Variants in SNTG1 observed in about 807,000 individuals in gnomAD.
The protein encoded by SNTG1 is gamma-1-syntrophin.
A neutral mutation model predicts 74.7 loss-of-function variants in SNTG1; 39 were observed. The ratio of observed to expected loss-of-function variants is 0.52; its 90% CI spans 0.40 to 0.68. The LOEUF (loss-of-function observed/expected upper bound fraction) is 0.68. SNTG1 is among the 30% of genes least tolerant of loss of function. SNTG1 has a pLI of 0.00. For missense variants in SNTG1, 685 were observed against 609.5 expected (o/e 1.12, Z -1.30); for synonymous variants, 254 against 217.1 (o/e 1.17, Z -1.49).
rs1397041136 is a variant in SNTG1, at chr8:50,244,206, C to A, written c.-28+71571C>A. On this transcript the variant is annotated intron_variant, in intron 2 of 18. Coordinates refer to ENST00000642720, the MANE Select transcript of SNTG1 (RefSeq NM_018967.5). ...CACGCAGATCTTGGGAGTACCCACTCGCTATCATGAGGACAGCACCAAGCC... is the reference window on the plus strand; with the variant it reads ...CACGCAGATCTTGGGAGTACCCACTAGCTATCATGAGGACAGCACCAAGCC... Among the ~76,000 whole-genome samples the A allele has an allele frequency of 3.3e-5, 5 of 152,020 alleles. No individual in the cohort carries two copies. The East Asian group carries it at 9.7e-4, about 29-fold the overall frequency.
At chr8:50,252,096 C>A (rs1241385713) in intron 2 of SNTG1, among the ~76,000 whole-genome samples, 1 of 151,866 alleles carries the variant, frequency 6.6e-6, no homozygotes, top group East Asian at 1.9e-4. Context: ...TAAACAGCAT[C>A]CTCCACATTA....
intron 1 of SNTG1, among the ~76,000 whole-genome samples, chr8:49,980,621 C>CA (rs1359003170): frequency 6.6e-6 from 1 of 150,708 alleles, no homozygotes; most frequent in Non-Finnish European, 1.5e-5. Flanking sequence ...ACTCCACTCG[C>CA]AAGAACAGTG....
intron 17 of SNTG1, among the ~76,000 whole-genome samples, chr8:50,713,259 T>C (rs2095466785): frequency 6.6e-6 from 1 of 152,236 alleles, no homozygotes; most frequent in African/African-American, 2.4e-5. Context: ...CCAGTGATGA[T>C]GAGCTTTTTT....
intron 1 of SNTG1, among the ~76,000 whole-genome samples, chr8:50,097,635 A>G (rs2079978033): frequency 6.6e-6 from 1 of 151,992 alleles, no homozygotes; most frequent in Non-Finnish European, 1.5e-5. Flanking sequence ...CTGGGCGACA[A>G]AATGAGACTC....
At chr8:50,206,048 A>T (rs1297931572) in intron 2 of SNTG1, among the ~76,000 whole-genome samples, 1 of 152,062 alleles carries the variant, frequency 6.6e-6, no homozygotes, top group East Asian at 1.9e-4. Flanking sequence ...CTTGGCAATG[A>T]GGGCTCTTTT....
chr8:50,698,478 G>A (rs2095412494), intron 15 of SNTG1, among the ~76,000 whole-genome samples: 1 of 152,108 alleles, frequency 6.6e-6, no homozygotes, highest in African/African-American at 2.4e-5. Flanking sequence ...TACTGGTGGG[G>A]GAAGGGGGTG....
rs200889764 is a variant in SNTG1 at position 50,106,856 on chromosome 8, G to A, written c.-102-65705G>A. 3.9e-5 allele frequency among the ~76,000 whole-genome samples: 6 copies of A among 152,106 alleles called. No homozygotes were observed. The East Asian group carries it at 1.2e-3, about 29-fold the overall frequency. On this transcript the variant is annotated intron_variant, in intron 1 of 18. Transcript: ENST00000642720. ...AGACTCAATTCTATATTTTAGCAAG[G>A]AATTTCAATAATATGTATATCTGAA...
At chr8:50,368,854 A>G (rs1197915874) in intron 2 of SNTG1, among the ~76,000 whole-genome samples, 1 of 151,914 alleles carries the variant, frequency 6.6e-6, no homozygotes, top group Non-Finnish European at 1.5e-5. Flanking sequence ...TTTAATTTAG[A>G]TTTTTCCATT....
In SNTG1 at chr8:49,950,362, T is replaced by G. The variant is rs529739005; in HGVS notation, c.-103+38131T>G. On this transcript the variant is annotated intron_variant, in intron 1 of 18. Transcript: ENST00000642720. ...TAATTTATTTCCCAGTTAATTACAATTGGAATGATTTTGAAAAACTGCTCA... is the reference window on the plus strand; with the variant it reads ...TAATTTATTTCCCAGTTAATTACAAGTGGAATGATTTTGAAAAACTGCTCA... Among the ~76,000 whole-genome samples the G allele has an allele frequency of 2.0e-5, 3 of 152,308 alleles. No individual in the cohort carries two copies. The South Asian group carries it at 6.2e-4, about 32-fold the overall frequency.
intron 2 of SNTG1, among the ~76,000 whole-genome samples, chr8:50,291,240 ATATG>A (rs1217583817): frequency 6.2e-5 from 5 of 81,078 alleles, no homozygotes; most frequent in Admixed American, 1.3e-4. Flanking sequence ...AGAGACAGAC[ATATG>A]TGTGTGTGTG....
chr8:50,687,399 C>T (rs996535829), intron 15 of SNTG1, among the ~76,000 whole-genome samples: 2 of 152,110 alleles, frequency 1.3e-5, no homozygotes, highest in Non-Finnish European at 2.9e-5. Flanking sequence ...GATTAAAATA[C>T]ATGTACCTCC....
At chr8:50,117,955 A>G (rs923589646) in intron 1 of SNTG1, among the ~76,000 whole-genome samples, 4 of 152,122 alleles carry the variant, frequency 2.6e-5, no homozygotes, top group Admixed American at 6.6e-5. Flanking sequence ...GGTAAAAGCT[A>G]TGTGAAGTTG....
intron 13 of SNTG1, among the ~76,000 whole-genome samples, chr8:50,614,646 A>G (rs1238935225): frequency 6.6e-6 from 1 of 152,128 alleles, no homozygotes; most frequent in Admixed American, 6.5e-5. Flanking sequence ...GCATGAGTAA[A>G]TTTTAATTAT....
chr8:50,564,505 G>A (rs1350393883), intron 12 of SNTG1, among the ~76,000 whole-genome samples: 1 of 152,064 alleles, frequency 6.6e-6, no homozygotes, highest in Non-Finnish European at 1.5e-5. Flanking sequence ...GGGCCAGAAA[G>A]CCCAATTCTT....
At chr8:50,466,546 T>C (rs1255536058) in intron 8 of SNTG1, among the ~76,000 whole-genome samples, 1 of 152,068 alleles carries the variant, frequency 6.6e-6, no homozygotes, top group Non-Finnish European at 1.5e-5. Context: ...ATATACATTT[T>C]AAAATCACTT....
chr8:50,112,369 G>T (rs2080626241), intron 1 of SNTG1, among the ~76,000 whole-genome samples: 1 of 152,056 alleles, frequency 6.6e-6, no homozygotes, highest in Non-Finnish European at 1.5e-5. Context: ...CTTCTGATTT[G>T]AAGGTTCATA....
intron 2 of SNTG1, among the ~76,000 whole-genome samples, chr8:50,350,892 G>A (rs1352427788): frequency 6.6e-6 from 1 of 152,214 alleles, no homozygotes; most frequent in Non-Finnish European, 1.5e-5. Flanking sequence ...CCAGATAAGA[G>A]AATGAAAGCA....
chr8:50,182,039 T>C (rs1157165527), intron 2 of SNTG1, among the ~76,000 whole-genome samples: 1 of 152,202 alleles, frequency 6.6e-6, no homozygotes, highest in Non-Finnish European at 1.5e-5. Flanking sequence ...TTTGTTACAG[T>C]ATATAATGTA....
chr8:50,493,069 A>T (rs963015024), intron 8 of SNTG1, among the ~76,000 whole-genome samples: 1 of 152,216 alleles, frequency 6.6e-6, no homozygotes, highest in African/African-American at 2.4e-5. Flanking sequence ...TGGGGAAAGG[A>T]TTCCCTATTT....
Sources: gnomAD v4.1 joint callset for allele counts (sites outside exome capture counted in the v4.1 genomes callset) on GRCh38, gnomAD v4.1.1 for gene constraint, MANE v1.5 for transcripts, NCBI Gene and HGNC (gene_info 2026-07-23, HGNC 2026-07-21) for gene names.